The following GRIN2A variants were observed in gnomAD, a reference collection of about 807,000 sequenced individuals.
GRIN2A encodes glutamate receptor ionotropic, NMDA 2A.
GRIN2A carries 22 observed loss-of-function variants against 113.4 expected under a neutral mutation model. That is an observed-to-expected ratio of 0.19 (90% CI 0.14 to 0.28). The LOEUF (loss-of-function observed/expected upper bound fraction) is 0.28, where lower values mean the gene tolerates loss of function less well. Ranked by LOEUF, GRIN2A falls within the 10% of genes least tolerant of loss-of-function variation. GRIN2A has a pLI of 1.00. For missense variants in GRIN2A, 1,502 were observed against 1,887.0 expected, an observed-to-expected ratio of 0.80 and a Z score of 3.78; for synonymous variants, 827 against 738.4, an observed-to-expected ratio of 1.12 and a Z score of -1.94.
chr16:9,771,676 G>A (rs982735195), intron 11 of GRIN2A, among the ~76,000 whole-genome samples: 1 of 151,246 alleles, frequency 6.6e-6, no homozygotes, highest in East Asian at 2.0e-4. Flanking sequence ...ATCTTCTGCA[G>A]AATTATTTTC....
In GRIN2A at chr16:10,002,677, G is replaced by A. The variant is rs535738044; in HGVS notation, c.415-64126C>T. ...TTACCACCTTATCCCAAGGGGCAAT[G>A]ACTACACAACTCCAGCTTCTGTGGT... On this transcript the variant is annotated intron_variant, in intron 2 of 12. Transcript: ENST00000330684. 3.5e-3 allele frequency among the ~76,000 whole-genome samples: 533 copies of A among 152,302 alleles called. 5 individuals carry two copies. The highest frequency in any genetic ancestry group is 6.8e-3 in the Middle Eastern group (2 of 294).
chr16:9,820,950 C>T (rs978799337), intron 10 of GRIN2A, among the ~76,000 whole-genome samples: 1 of 152,164 alleles, frequency 6.6e-6, no homozygotes, highest in African/African-American at 2.4e-5. Flanking sequence ...GCTCTCCCAG[C>T]CCCTGCTGAG....
chr16:9,789,467 C>T (rs1458774593), intron 11 of GRIN2A, among the ~76,000 whole-genome samples: 1 of 151,984 alleles, frequency 6.6e-6, no homozygotes, highest in African/African-American at 2.4e-5. Context: ...ATGTTGCTGA[C>T]TATTATGTGG....
Position 9,938,042 on chromosome 16 carries a change from C to G in GRIN2A, c.924G>C (p.Glu308Asp), listed in dbSNP as rs1275523625. The G allele has an allele frequency of 6.2e-7, 1 of 1,614,100 alleles. No homozygotes were observed. The highest frequency in any genetic ancestry group is 1.1e-5 in the South Asian group (1 of 91,078). Residue 308 changes from glutamate (E) to aspartate (D), a missense_variant, in exon 3 of 13, where the codon GAG becomes GAC. Glu to Asp is a conservative substitution (Grantham distance 45, BLOSUM62 2). Transcript: ENST00000330684. ...ILTTAASSML[E>D]KFSYIPEAKA... ...TGGCCTCGGGGATGTAGGAGAACTT[C>G]TCCAGCATAGAAGATGCAGCGGTGG... is the stretch of plus-strand genomic sequence containing the variant.
intron 2 of GRIN2A, among the ~76,000 whole-genome samples, chr16:9,964,361 A>T (rs1296380777): frequency 2.6e-5 from 4 of 152,122 alleles, no homozygotes; most frequent in African/African-American, 9.7e-5. Flanking sequence ...AAATGTGACC[A>T]CTGTTAGTGC....
intron 7 of GRIN2A, among the ~76,000 whole-genome samples, chr16:9,839,808 T>G (rs1430639143): frequency 1.3e-5 from 2 of 152,162 alleles, no homozygotes; most frequent in African/African-American, 4.8e-5. Context: ...TTTTTCCAAG[T>G]TTAAGACAAA....
At chr16:10,055,335 A>G (rs2047438753) in intron 2 of GRIN2A, among the ~76,000 whole-genome samples, 1 of 152,156 alleles carries the variant, frequency 6.6e-6, no homozygotes, top group Non-Finnish European at 1.5e-5. Flanking sequence ...TGACAAAAAT[A>G]TTAACATTTG....
intron 11 of GRIN2A, among the ~76,000 whole-genome samples, chr16:9,776,697 C>T (rs1027336226): frequency 1.3e-5 from 2 of 152,082 alleles, no homozygotes; most frequent in East Asian, 3.9e-4. Context: ...CTGCTGATCT[C>T]ATTCGGGTTC....
At chr16:9,822,918 A>C (rs1487774750) in intron 9 of GRIN2A, among the ~76,000 whole-genome samples, 1 of 152,136 alleles carries the variant, frequency 6.6e-6, no homozygotes, top group Non-Finnish European at 1.5e-5. Context: ...CACCCAGAAA[A>C]TGACTATATA....
intron 10 of GRIN2A, among the ~76,000 whole-genome samples, chr16:9,813,297 A>G (rs2042121416): frequency 6.6e-6 from 1 of 152,192 alleles, no homozygotes; most frequent in African/African-American, 2.4e-5. Context: ...ATATGCACCG[A>G]CTCAACTTGT....
At chr16:10,177,683 G>A (rs77236646) in intron 2 of GRIN2A, among the ~76,000 whole-genome samples, 5,215 of 152,262 alleles carry the variant, frequency 0.034, 298 homozygotes, top group African/African-American at 0.12. Flanking sequence ...TCATCCCAAA[G>A]GAGAGAAGAA....
At chr16:10,070,178 T>G (rs982882554) in intron 2 of GRIN2A, among the ~76,000 whole-genome samples, 1 of 152,174 alleles carries the variant, frequency 6.6e-6, no homozygotes, top group African/African-American at 2.4e-5. Context: ...TCCCTGGACA[T>G]GGGTCCCCGA....
intron 11 of GRIN2A, among the ~76,000 whole-genome samples, chr16:9,791,252 A>C (rs947532572): frequency 6.6e-6 from 1 of 152,166 alleles, no homozygotes; most frequent in Non-Finnish European, 1.5e-5. Context: ...CAGAGGCTGA[A>C]GGATGGATGA....
At chr16:10,108,301 G>C (rs1442191688) in intron 2 of GRIN2A, among the ~76,000 whole-genome samples, 1 of 152,162 alleles carries the variant, frequency 6.6e-6, no homozygotes, top group Admixed American at 6.5e-5. Context: ...GAAACCATTG[G>C]ATCTCATGAG....
At chr16:10,075,555 C>T (rs1039634721) in intron 2 of GRIN2A, among the ~76,000 whole-genome samples, 19 of 152,050 alleles carry the variant, frequency 1.2e-4, no homozygotes, top group African/African-American at 3.9e-4. Context: ...ATGTACTTAA[C>T]GCCACTGAAC....
intron 2 of GRIN2A, among the ~76,000 whole-genome samples, chr16:10,117,708 C>T (rs1293504253): frequency 6.6e-6 from 1 of 152,176 alleles, no homozygotes; most frequent in Non-Finnish European, 1.5e-5. Context: ...CTACAAAAAG[C>T]TCAGGGGCTA....
chr16:9,942,517 C>T (rs2044908316), intron 2 of GRIN2A, among the ~76,000 whole-genome samples: 1 of 152,164 alleles, frequency 6.6e-6, no homozygotes, highest in East Asian at 1.9e-4. Flanking sequence ...AAGTGGGAGA[C>T]TCATCTGTCC....
chr16:9,988,907 A>T (rs2046040689), intron 2 of GRIN2A, among the ~76,000 whole-genome samples: 1 of 152,136 alleles, frequency 6.6e-6, no homozygotes, highest in African/African-American at 2.4e-5. Flanking sequence ...TCCTACAACT[A>T]ACTCTCATTT....
chr16:10,047,863 C>T (rs2047287327), intron 2 of GRIN2A, among the ~76,000 whole-genome samples: 1 of 152,214 alleles, frequency 6.6e-6, no homozygotes, highest in African/African-American at 2.4e-5. Flanking sequence ...GATCTCAGAG[C>T]TTACCTGCAG....
Sources: gnomAD v4.1 joint callset for allele counts (sites outside exome capture counted in the v4.1 genomes callset) on GRCh38, gnomAD v4.1.1 for gene constraint, MANE v1.5 for transcripts, NCBI Gene and HGNC (gene_info 2026-07-23, HGNC 2026-07-21) for gene names.